Variants in SPMIP8 observed in about 807,000 individuals in gnomAD.
SPMIP8 encodes testicular tissue protein Li 196.
the SPMIP8 span, chr16:57,985,087 A>G: frequency 3.5e-6 from 4 of 1,158,256 alleles, no homozygotes; most frequent in South Asian, 5.0e-5. Flanking sequence ...TTCTCCGTAC[A>G]CGTGTGGGTG....
At chr16:57,985,442 C>T in the SPMIP8 span, 2 of 1,613,632 alleles carry the variant, frequency 1.2e-6, no homozygotes, top group South Asian at 2.2e-5. Context: ...GTCCGTGCTC[C>T]CCCGACTCAC....
At chr16:57,983,918 T>C in the SPMIP8 span, among the ~76,000 whole-genome samples, 25 of 145,728 alleles carry the variant, frequency 1.7e-4, 1 homozygote, top group East Asian at 4.2e-3. Flanking sequence ...CAGCCTTTTT[T>C]TTCTTTTTTT....
the SPMIP8 span, chr16:57,976,731 C>T: frequency 1.4e-6 from 2 of 1,440,500 alleles, no homozygotes; most frequent in African/African-American, 1.4e-5. Context: ...GGCAGCTTCC[C>T]CATGCCTTGT....
chr16:57,985,891 CG>C, the SPMIP8 span: 1 of 1,609,402 alleles, frequency 6.2e-7, no homozygotes, highest in Non-Finnish European at 8.5e-7. Context: ...CGTGCTCACC[CG>C]CCCCGTTCTT....
At chr16:57,985,281 C>T in the SPMIP8 span, 6 of 1,551,390 alleles carry the variant, frequency 3.9e-6, no homozygotes, top group Non-Finnish European at 2.6e-6. Context: ...GGGAGCGCTG[C>T]GCGCAGACCC....
chr16:57,985,051 T>C, the SPMIP8 span: 8 of 1,072,006 alleles, frequency 7.5e-6, no homozygotes, highest in East Asian at 2.9e-5. Flanking sequence ...GGCTTTGCCC[T>C]GGTGGGGCAG....
At chr16:57,985,905 C>T in the SPMIP8 span, 2 of 1,612,150 alleles carry the variant, frequency 1.2e-6, no homozygotes, top group South Asian at 2.2e-5. Flanking sequence ...CCGTTCTTTC[C>T]CAGGAACACT....
At chr16:57,985,403 G>T in the SPMIP8 span, 72 of 1,610,996 alleles carry the variant, frequency 4.5e-5, no homozygotes, top group Non-Finnish European at 5.4e-5. Flanking sequence ...GTCTCTAGCA[G>T]GAAGCCCTGT....
chr16:57,981,004 C>T, the SPMIP8 span, among the ~76,000 whole-genome samples: 1 of 152,138 alleles, frequency 6.6e-6, no homozygotes, highest in African/African-American at 2.4e-5. Flanking sequence ...CGTGAGCTAC[C>T]ACGACCAGCC....
At chr16:57,981,395 T>TTATTATTATTATTATA in the SPMIP8 span, among the ~76,000 whole-genome samples, 1 of 127,804 alleles carries the variant, frequency 7.8e-6, no homozygotes, top group Admixed American at 7.9e-5. Flanking sequence ...TAATAATAAT[T>TTATTATTATTATTATA]ATTATTATTA....
chr16:57,986,012 G>A, the SPMIP8 span: 1 of 1,522,912 alleles, frequency 6.6e-7, no homozygotes, highest in Non-Finnish European at 8.8e-7. Context: ...CAGCCTCGGG[G>A]CTCCCTGACT....
At chr16:57,985,430 G>A in the SPMIP8 span, 9 of 1,613,232 alleles carry the variant, frequency 5.6e-6, no homozygotes, top group Middle Eastern at 6.6e-4. Context: ...CGTGGGCAGG[G>A]CGTCCGTGCT....
At chr16:57,987,678 G>T in the SPMIP8 span, 2 of 412,660 alleles carry the variant, frequency 4.8e-6, no homozygotes, top group Non-Finnish European at 8.5e-6. Context: ...TGGAGGACTG[G>T]TGGGGGGTTG....
At chr16:57,987,576 A>G in the SPMIP8 span, 6 of 834,814 alleles carry the variant, frequency 7.2e-6, no homozygotes, top group East Asian at 1.6e-4. Flanking sequence ...GACACACGCA[A>G]TTGTCTCTGT....
chr16:57,986,887 C>T, the SPMIP8 span: 22,319 of 152,620 alleles, frequency 0.15, 1,718 homozygotes, highest in East Asian at 0.18. Context: ...CTACAGTGCC[C>T]GGCCTCCTTC....
the SPMIP8 span, chr16:57,984,700 C>T: frequency 5.0e-6 from 8 of 1,597,712 alleles, no homozygotes; most frequent in East Asian, 1.1e-4. Context: ...GCGCCCATCG[C>T]GCCAGGCATC....
At chr16:57,984,907 A>G in the SPMIP8 span, 2 of 1,425,674 alleles carry the variant, frequency 1.4e-6, no homozygotes, top group South Asian at 2.9e-5. Context: ...GCGGCGGGCC[A>G]GGCAGAAACA....
At chr16:57,985,156 TG>T in the SPMIP8 span, 1 of 1,317,080 alleles carries the variant, frequency 7.6e-7, no homozygotes, top group Non-Finnish European at 9.6e-7. Flanking sequence ...AGGCGGGGCT[TG>T]TCCTGGGGGG....
the SPMIP8 span, among the ~76,000 whole-genome samples, chr16:57,977,407 C>CAAAAAAAAAAAA: frequency 3.0e-5 from 3 of 99,820 alleles, no homozygotes; most frequent in South Asian, 3.4e-4. Flanking sequence ...GAGACTGTCT[C>CAAAAAAAAAAAA]AAAAAAAAAA....
Sources: gnomAD v4.1 joint callset for allele counts (sites outside exome capture counted in the v4.1 genomes callset) on GRCh38, gnomAD v4.1.1 for gene constraint, MANE v1.5 for transcripts, NCBI Gene and HGNC (gene_info 2026-07-23, HGNC 2026-07-21) for gene names.